Variants in AGBL4 observed in about 807,000 individuals in gnomAD.
AGBL4 encodes cytosolic carboxypeptidase 6.
AGBL4 carries 58 observed loss-of-function variants against 66.4 expected under a neutral mutation model. The observed-to-expected ratio is 0.87, with a 90% CI of 0.71 to 1.09. The LOEUF is 1.09. Ranked by LOEUF, AGBL4 falls within the 50% of genes least tolerant of loss-of-function variation. AGBL4 has a pLI of 0.00. For missense variants in AGBL4, 579 were observed against 631.0 expected (o/e 0.92, Z 0.88); for synonymous variants, 234 against 222.9 (o/e 1.05, Z -0.44).
At chr1:48,855,463 C>T (rs569165958) in intron 6 of AGBL4, among the ~76,000 whole-genome samples, 17 of 152,288 alleles carry the variant, frequency 1.1e-4, no homozygotes, top group Non-Finnish European at 1.9e-4. Context: ...ACTAATCGTC[C>T]GAGTAACACC....
intron 3 of AGBL4, among the ~76,000 whole-genome samples, chr1:49,408,702 C>A (rs1645255052): frequency 6.6e-6 from 1 of 152,192 alleles, no homozygotes; most frequent in South Asian, 2.1e-4. Flanking sequence ...AGCTTTTGGA[C>A]TCTTGAAATT....
At chr1:49,540,861 C>T (rs1456624171) in intron 3 of AGBL4, among the ~76,000 whole-genome samples, 2 of 152,106 alleles carry the variant, frequency 1.3e-5, no homozygotes, top group African/African-American at 4.8e-5. Flanking sequence ...AACTCCTTAG[C>T]ATAATGAACA....
intron 2 of AGBL4, among the ~76,000 whole-genome samples, chr1:49,768,852 G>A (rs1430535252): frequency 6.6e-6 from 1 of 151,916 alleles, no homozygotes; most frequent in Non-Finnish European, 1.5e-5. Flanking sequence ...ACAAAAATCA[G>A]GACTTTTTTT....
intron 3 of AGBL4, among the ~76,000 whole-genome samples, chr1:49,670,280 G>A (rs779784231): frequency 8.5e-5 from 13 of 152,196 alleles, no homozygotes; most frequent in Admixed American, 2.6e-4. Flanking sequence ...CCAATGTGGT[G>A]CTAACCAAAA....
At chr1:49,087,038 A>C (rs1054821921) in intron 4 of AGBL4, among the ~76,000 whole-genome samples, 1 of 146,224 alleles carries the variant, frequency 6.8e-6, no homozygotes, top group Non-Finnish European at 1.5e-5. Flanking sequence ...AGGTAAAAGA[A>C]AAAAAAAAAG....
At chr1:49,275,814 C>T (rs982064757) in intron 3 of AGBL4, among the ~76,000 whole-genome samples, 1 of 152,012 alleles carries the variant, frequency 6.6e-6, no homozygotes, top group African/African-American at 2.4e-5. Context: ...ATTAAAATTA[C>T]TTTTCTTAAA....
intron 3 of AGBL4, among the ~76,000 whole-genome samples, chr1:49,304,527 G>A (rs570385365): frequency 8.4e-4 from 128 of 152,272 alleles, no homozygotes; most frequent in African/African-American, 2.7e-3. Context: ...AGGTAGGCAG[G>A]TACAGGGGAG....
intron 2 of AGBL4, among the ~76,000 whole-genome samples, chr1:49,703,907 C>G (rs1251999477): frequency 6.6e-6 from 1 of 151,960 alleles, no homozygotes; most frequent in Admixed American, 6.6e-5. Flanking sequence ...ATGAAAATAA[C>G]TGCAGTAGCA....
chr1:49,127,300 G>T (rs944621612), intron 4 of AGBL4, among the ~76,000 whole-genome samples: 1 of 152,104 alleles, frequency 6.6e-6, no homozygotes. Context: ...GATGGGAAGC[G>T]AGTGAAGGAT....
intron 3 of AGBL4, among the ~76,000 whole-genome samples, chr1:49,535,792 C>T (rs950033515): frequency 3.3e-5 from 5 of 152,076 alleles, no homozygotes; most frequent in African/African-American, 9.7e-5. Context: ...CCTGGGTTCA[C>T]GCCATTCTCC....
chr1:49,815,072 T>G (rs185271899), intron 2 of AGBL4, among the ~76,000 whole-genome samples: 1 of 152,284 alleles, frequency 6.6e-6, no homozygotes, highest in Admixed American at 6.5e-5. Flanking sequence ...AAGTTATTAT[T>G]GACTATACTC....
At chr1:48,873,887 T>A (rs1298565339) in intron 5 of AGBL4, among the ~76,000 whole-genome samples, 1 of 152,162 alleles carries the variant, frequency 6.6e-6, no homozygotes. Flanking sequence ...TGGTCACGAC[T>A]GCATTGCAAT....
In AGBL4 at chr1:49,522,152, T is replaced by A. The variant is rs1026682496; in HGVS notation, c.282+175161A>T. 2.1e-4 allele frequency among the ~76,000 whole-genome samples: 32 copies of A among 152,244 alleles called. 1 individual carries two copies. Among genetic ancestry groups the A allele is most frequent in the South Asian group, 2.1e-4 (1 of 4,818 alleles). Reference sequence around the variant, plus strand: ...CCACAATCTAATCATACTGCTATGATTGCATTTATCATATTGAGTTAGATT... The same window carrying A: ...CCACAATCTAATCATACTGCTATGAATGCATTTATCATATTGAGTTAGATT... On this transcript the variant is annotated intron_variant, in intron 3 of 13. Transcript: ENST00000371839.
intron 3 of AGBL4, among the ~76,000 whole-genome samples, chr1:49,530,431 T>C (rs1651048419): frequency 6.6e-6 from 1 of 151,920 alleles, no homozygotes; most frequent in African/African-American, 2.4e-5. Context: ...CTTAATGCTA[T>C]CCCTCTTTTT....
intron 6 of AGBL4, among the ~76,000 whole-genome samples, chr1:48,698,777 A>G (rs1646754767): frequency 6.6e-6 from 1 of 152,180 alleles, no homozygotes. Context: ...TTTCATTTTC[A>G]CAACACCCTG....
At chr1:48,565,515 C>A (rs1198969021) in intron 11 of AGBL4, among the ~76,000 whole-genome samples, 1 of 152,090 alleles carries the variant, frequency 6.6e-6, no homozygotes, top group Non-Finnish European at 1.5e-5. Flanking sequence ...ATCTTTGGTT[C>A]CTCAACTTCT....
intron 5 of AGBL4, among the ~76,000 whole-genome samples, chr1:49,044,523 G>A (rs1644028515): frequency 1.3e-5 from 2 of 151,682 alleles, no homozygotes; most frequent in African/African-American, 2.4e-5. Context: ...AGGAAGATGT[G>A]GTAGGCAAAA....
intron 6 of AGBL4, among the ~76,000 whole-genome samples, chr1:48,774,244 A>C (rs781131204): frequency 6.6e-6 from 1 of 152,236 alleles, no homozygotes. Flanking sequence ...GCCATAGCAC[A>C]GTGGTATTTA....
intron 11 of AGBL4, among the ~76,000 whole-genome samples, chr1:48,581,569 G>A (rs567426275): frequency 4.4e-4 from 67 of 152,176 alleles, no homozygotes; most frequent in South Asian, 2.3e-3. Context: ...TTTTCAAATC[G>A]TTTGAACAGA....
Sources: gnomAD v4.1 joint callset for allele counts (sites outside exome capture counted in the v4.1 genomes callset) on GRCh38, gnomAD v4.1.1 for gene constraint, MANE v1.5 for transcripts, NCBI Gene and HGNC (gene_info 2026-07-23, HGNC 2026-07-21) for gene names.